Variants in CFAP70 observed in about 807,000 individuals in gnomAD.
CFAP70 encodes cilia and flagella associated protein 70.
A neutral mutation model predicts 137.6 loss-of-function variants in CFAP70; 81 were observed. The ratio of observed to expected loss-of-function variants is 0.59; its 90% CI spans 0.49 to 0.71. CFAP70 has a LOEUF of 0.71. Ranked by LOEUF, CFAP70 falls within the 30% of genes least tolerant of loss-of-function variation. The pLI is 0.00. For synonymous variants in CFAP70, 382 were observed against 423.6 expected (o/e 0.90, Z 1.20); for missense variants, 976 against 1,226.7 (o/e 0.80, Z 3.05).
intron 9 of CFAP70, among the ~76,000 whole-genome samples, chr10:73,316,479 T>G (rs933395819): frequency 1.8e-5 from 2 of 113,120 alleles, no homozygotes; most frequent in Admixed American, 8.7e-5. Context: ...TATATATATA[T>G]AGATATAGAT....
intron 11 of CFAP70, among the ~76,000 whole-genome samples, chr10:73,311,514 G>C (rs2049921834): frequency 6.6e-6 from 1 of 152,194 alleles, no homozygotes; most frequent in South Asian, 2.1e-4. Context: ...TCTCCTACCA[G>C]ATGCTGAGTT....
chr10:73,280,921 T>C (rs1436806840), intron 19 of CFAP70, among the ~76,000 whole-genome samples: 2 of 152,158 alleles, frequency 1.3e-5, no homozygotes, highest in East Asian at 3.8e-4. Flanking sequence ...TCTGGGCTAT[T>C]ATTTCCTTCC....
At chr10:73,354,550 C>T (rs967153227) in intron 2 of CFAP70, among the ~76,000 whole-genome samples, 184 bp downstream of exon 2, 3 of 152,042 alleles carry the variant, frequency 2.0e-5, no homozygotes, top group South Asian at 2.1e-4. Flanking sequence ...TTCAAATTGC[C>T]GGGTATTTGA....
intron 19 of CFAP70, among the ~76,000 whole-genome samples, chr10:73,280,416 A>G (rs779351162): frequency 3.5e-4 from 54 of 152,178 alleles, no homozygotes; most frequent in Non-Finnish European, 5.3e-4. Context: ...TCTGGTTTTG[A>G]TACCAGGGTG....
chr10:73,255,490 G>T (rs2044394473), intron 26 of CFAP70, among the ~76,000 whole-genome samples: 1 of 152,040 alleles, frequency 6.6e-6, no homozygotes, highest in African/African-American at 2.4e-5. Flanking sequence ...GGAGGTGGAG[G>T]TTGCAGTGAG....
At chr10:73,353,841 AT>A in intron 2 of CFAP70, 99 bp from the exon 3 acceptor site, 2 of 1,107,228 alleles carry the variant, frequency 1.8e-6, no homozygotes. Flanking sequence ...AGCATTTTTC[AT>A]TTTTTCCTAA....
At chr10:73,331,378 T>C in intron 7 of CFAP70, 102 bp from the exon 9 acceptor site, 2 of 976,694 alleles carry the variant, frequency 2.0e-6, no homozygotes, top group Non-Finnish European at 3.0e-6. Flanking sequence ...ATATAGAATA[T>C]ACATATATAA....
At chr10:73,253,781 A>AT (rs2044190599), downstream of CFAP70, 6 of 476,982 alleles carry the variant, frequency 1.3e-5, no homozygotes, top group South Asian at 2.5e-4. Context: ...TCATATCTCC[A>AT]TTTTTTTATT....
At chr10:73,279,463 G>C (rs1222566152) in intron 19 of CFAP70, among the ~76,000 whole-genome samples, 1 of 151,680 alleles carries the variant, frequency 6.6e-6, no homozygotes, top group Non-Finnish European at 1.5e-5. Context: ...GGCAGAGCTT[G>C]CAGTGAGCCC....
rs1212839429 is a variant in CFAP70 at position 73,351,067 on chromosome 10, GTGTGTA to G, written c.250+2483_250+2488del. On this transcript the variant is annotated intron_variant, in intron 3 of 26. Coordinates refer to ENST00000310715, the Ensembl canonical transcript of CFAP70. Reference sequence around the variant, plus strand: ...TATATGTGTGTGTGTGTGTGTGTGTGTGTGTATATATATATATATATATATATATAT... The same window carrying G: ...TATATGTGTGTGTGTGTGTGTGTGTGTATATATATATATATATATATATAT... Among the ~76,000 whole-genome samples the G allele has an allele frequency of 2.1e-3, 135 of 64,036 alleles. 1 individual carries two copies. Among genetic ancestry groups the G allele is most frequent in the African/African-American group, 8.1e-3 (105 of 12,960 alleles). 42.0% of individuals were successfully genotyped at this position (64,036 alleles called of 152,430 possible). A position where few individuals can be genotyped will look rare whatever the true frequency, so the allele number is the denominator to read the frequency against.
At chr10:73,304,059 A>T (rs1024415133) in intron 12 of CFAP70, among the ~76,000 whole-genome samples, 14 of 146,522 alleles carry the variant, frequency 9.6e-5, no homozygotes, top group East Asian at 2.0e-4. Flanking sequence ...TTTATGGTAA[A>T]TTTTTTTTTT....
At chr10:73,285,341 A>C (rs945275719) in intron 19 of CFAP70, among the ~76,000 whole-genome samples, 2 of 152,230 alleles carry the variant, frequency 1.3e-5, no homozygotes, top group African/African-American at 4.8e-5. Context: ...GAGAATTTAA[A>C]ATGTATAAAC....
At chr10:73,351,676 G>A (rs188363828) in intron 3 of CFAP70, among the ~76,000 whole-genome samples, 1 of 151,772 alleles carries the variant, frequency 6.6e-6, no homozygotes, top group Non-Finnish European at 1.5e-5. Context: ...TGTGATCCAC[G>A]CATCTCAGCC....
intron 25 of CFAP70, among the ~76,000 whole-genome samples, chr10:73,259,694 A>T (rs1023433998): frequency 6.6e-6 from 1 of 152,244 alleles, no homozygotes; most frequent in Non-Finnish European, 1.5e-5. Flanking sequence ...AGGTTATATA[A>T]GTAGCTGCTA....
At chr10:73,354,338 G>A (rs2054508777) in intron 2 of CFAP70, among the ~76,000 whole-genome samples, 2 of 151,958 alleles carry the variant, frequency 1.3e-5, no homozygotes, top group South Asian at 4.1e-4. Flanking sequence ...TTAATATACT[G>A]AATATTTTCC....
At chr10:73,335,947 G>T (rs1346588354) in intron 6 of CFAP70, among the ~76,000 whole-genome samples, 1 of 143,878 alleles carries the variant, frequency 7.0e-6, no homozygotes, top group Non-Finnish European at 1.5e-5. Flanking sequence ...TCAAGACCAG[G>T]CTGGCAACAA....
At chr10:73,254,207 C>T in intron 26 of CFAP70, 152 bp from the exon 28 acceptor site, 1 of 479,496 alleles carries the variant, frequency 2.1e-6, no homozygotes. Flanking sequence ...CATGAAAACT[C>T]CAGTAGAAGA....
rs372730552 is a variant in CFAP70 at position 73,345,264 on chromosome 10, T to C, written c.350-150A>G. 10 of 1,601,892 alleles carry C rather than the reference T, an allele frequency of 6.2e-6. No homozygotes were observed. The highest frequency in any genetic ancestry group is 7.7e-6 in the Non-Finnish European group (9 of 1,171,802). ...GCACTGCTGTAAAAGAATAAAATTA[T>C]GCAGCATTTTGAAAATTGCCAGAGA... is the stretch of plus-strand genomic sequence containing the variant. On this transcript the variant is annotated intron_variant, in intron 4 of 26. Transcript: ENST00000310715.
At chr10:73,352,779 C>T (rs186632023) in intron 3 of CFAP70, among the ~76,000 whole-genome samples, 81 of 152,256 alleles carry the variant, frequency 5.3e-4, no homozygotes, top group African/African-American at 1.8e-3. Flanking sequence ...ATAAATGTAC[C>T]TCTAAGTACA....
Sources: gnomAD v4.1 joint callset for allele counts (sites outside exome capture counted in the v4.1 genomes callset) on GRCh38, gnomAD v4.1.1 for gene constraint, MANE v1.5 for transcripts, NCBI Gene and HGNC (gene_info 2026-07-23, HGNC 2026-07-21) for gene names.